Variants in BMP1 observed in about 807,000 individuals in gnomAD.
BMP1 encodes the protein bone morphogenetic protein 1.
A neutral mutation model predicts 116.8 loss-of-function variants in BMP1; 63 were observed. The ratio of observed to expected loss-of-function variants is 0.54; its 90% CI spans 0.44 to 0.67. The LOEUF (loss-of-function observed/expected upper bound fraction) is 0.67. Ranked by LOEUF, BMP1 falls within the 30% of genes least tolerant of loss-of-function variation. The pLI, the probability that BMP1 is intolerant of heterozygous loss-of-function variation, is 0.00. For synonymous variants in BMP1, 536 were observed against 533.4 expected, an observed-to-expected ratio of 1.00 and a Z score of -0.07; for missense variants, 1,183 against 1,358.9, an observed-to-expected ratio of 0.87 and a Z score of 2.04.
rs3924229 is a variant in BMP1 at position 22,192,379 on chromosome 8, A to G, written c.1180+228A>G. ...CTGGACTTCAGAGTACCCAGTCCAG[A>G]CTTCTGGGCCTCCCTGTGAAGTTGG... On this transcript the variant is annotated intron_variant, in intron 9 of 19. Coordinates refer to ENST00000306385, the MANE Select transcript of BMP1 (RefSeq NM_006129.5). The G allele has an allele frequency of 0.13, 60,013 of 452,978 alleles. 4,553 individuals are homozygous for G. The highest frequency in any genetic ancestry group is 0.25 in the African/African-American group (12,301 of 50,144). 28.1% of individuals were successfully genotyped at this position (452,978 alleles called of 1,614,324 possible).
chr8:22,190,915 C>T (rs1036781790), intron 8 of BMP1, among the ~76,000 whole-genome samples: 1 of 152,188 alleles, frequency 6.6e-6, no homozygotes. Flanking sequence ...CCTCGCAGGT[C>T]ACGGTGAACA....
rs763402562 is a variant in BMP1, at chr8:22,194,090, A to T, written c.1213A>T (p.Ile405Phe). ...RFCGSKLPEP[I>F]VSTDSRLWVE... is the part of the protein sequence containing the mutation. ...CTGCGGGTCCAAACTCCCTGAGCCT[A>T]TCGTCTCCACTGACAGCCGCCTCTG... Residue 405 changes from isoleucine to phenylalanine, a missense_variant, in exon 10 of 20, where the codon ATC becomes TTC. Physicochemically the swap from Ile to Phe is conservative, Grantham distance 21. Transcript: ENST00000306385. This position sits in a 1 kb window ranked among gnomAD's most constrained non-coding sequence, Gnocchi z 4.5. 5.6e-6 allele frequency: 9 copies of T among 1,614,202 alleles called. No homozygotes were observed. In the East Asian group the frequency reaches 2.0e-4, roughly 36 times the overall value.
Position 22,211,782 on chromosome 8 carries a change from CT to C in BMP1, c.*55del. 2 of 1,612,842 alleles carry C rather than the reference CT, an allele frequency of 1.2e-6. No homozygotes were observed. Among genetic ancestry groups the C allele is most frequent in the Non-Finnish European group, 1.7e-6 (2 of 1,179,606 alleles). ...AGCCTGCTGCCCTTGGTCGCCTAGA[CT>C]GGATAGTGGGGGTGGGCGGAAGGCA... On this transcript the variant is annotated 3_prime_UTR_variant, in exon 20 of 20. Coordinates refer to ENST00000306385, the MANE Select transcript of BMP1 (RefSeq NM_006129.5).
chr8:22,199,792 C>T (rs571240805), intron 15 of BMP1, among the ~76,000 whole-genome samples: 2 of 152,154 alleles, frequency 1.3e-5, no homozygotes, highest in Admixed American at 6.5e-5. Context: ...TCAAAGGCAG[C>T]TCATGGAGGG....
chr8:22,204,897 G>A (rs997159570), intron 16 of BMP1, among the ~76,000 whole-genome samples: 6 of 152,188 alleles, frequency 3.9e-5, no homozygotes, highest in African/African-American at 1.2e-4. Flanking sequence ...AGCTGGAGGG[G>A]CCTGGGAGAG....
chr8:22,195,739 T>C, intron 13 of BMP1, 152 bp downstream of exon 13: 1 of 1,153,706 alleles, frequency 8.7e-7, no homozygotes, highest in South Asian at 1.6e-5. Context: ...CTCCCATTCC[T>C]GGGCTCAAGC....
chr8:22,202,301 C>T (rs1304192035), intron 16 of BMP1, among the ~76,000 whole-genome samples: 2 of 152,342 alleles, frequency 1.3e-5, no homozygotes, highest in Admixed American at 6.5e-5. Flanking sequence ...CCAGCCCTGC[C>T]GCTTCACTAG....
chr8:22,208,131 G>A lies in BMP1; in HGVS notation c.2575+615G>A, dbSNP rs191010006. Among the ~76,000 whole-genome samples the A allele has an allele frequency of 2.7e-3, 415 of 152,282 alleles. 4 individuals are homozygous for A. The highest frequency in any genetic ancestry group is 4.1e-3 in the Non-Finnish European group (280 of 68,022). Reference sequence around the variant, plus strand: ...ACTCCTGACCTCAGGTGATCCGCCCGCCTTGGCCTCCCAAAGTGCTGAGAT... The same window carrying A: ...ACTCCTGACCTCAGGTGATCCGCCCACCTTGGCCTCCCAAAGTGCTGAGAT... On this transcript the variant is annotated intron_variant, in intron 18 of 19. Transcript: ENST00000306385.
intron 8 of BMP1, among the ~76,000 whole-genome samples, chr8:22,189,713 T>A (rs1828877101): frequency 6.6e-6 from 1 of 152,018 alleles, no homozygotes; most frequent in Admixed American, 6.6e-5. Flanking sequence ...GCGATCCTCT[T>A]GCCTCAGCCT....
At chr8:22,168,641 G>A (rs989212440) in intron 1 of BMP1, among the ~76,000 whole-genome samples, 11 of 152,122 alleles carry the variant, frequency 7.2e-5, no homozygotes, top group African/African-American at 2.7e-4. Flanking sequence ...CCAAGGTTTG[G>A]ACATCAGAGA....
At chr8:22,181,501 A>T (rs185708412) in intron 8 of BMP1, among the ~76,000 whole-genome samples, 3 of 151,222 alleles carry the variant, frequency 2.0e-5, no homozygotes, top group Admixed American at 2.0e-4. Flanking sequence ...ACCTAAGGTG[A>T]TGAGAGGCTC....
chr8:22,197,499 T>C (rs1829128039), intron 15 of BMP1, 79 bp downstream of exon 15: 1 of 1,489,542 alleles, frequency 6.7e-7, no homozygotes, highest in Non-Finnish European at 9.1e-7. Flanking sequence ...CCTGCACCCC[T>C]GTACTCCCCA....
At chr8:22,175,261 C>G (rs1828399488) in intron 2 of BMP1, among the ~76,000 whole-genome samples, 1 of 152,164 alleles carries the variant, frequency 6.6e-6, no homozygotes, top group African/African-American at 2.4e-5. Flanking sequence ...GCTCCTATGT[C>G]AAATGCAAAC....
rs1277358654 is a variant in BMP1, at chr8:22,179,388, C to T, written c.837-317C>T. Among the ~76,000 whole-genome samples, 1 of 152,168 alleles carries T rather than the reference C, an allele frequency of 6.6e-6. No homozygotes were observed. The highest frequency in any genetic ancestry group is 1.5e-5 in the Non-Finnish European group (1 of 68,028). On this transcript the variant is annotated intron_variant, in intron 6 of 19. Transcript: ENST00000306385. This position sits in a 1 kb window ranked among gnomAD's most constrained non-coding sequence, Gnocchi z 4.6. Reference sequence around the variant, plus strand: ...TGACCCGCTAGGGGCCTGTAGCTTTCCTGGGGCTGGGAGTTGTGGCCAGCC... The same window carrying T: ...TGACCCGCTAGGGGCCTGTAGCTTTTCTGGGGCTGGGAGTTGTGGCCAGCC...
intron 18 of BMP1, among the ~76,000 whole-genome samples, chr8:22,208,798 C>T (rs1182433699): frequency 6.6e-6 from 1 of 152,222 alleles, no homozygotes; most frequent in Non-Finnish European, 1.5e-5. Flanking sequence ...ACAGCCTCCC[C>T]TCTTCCCCTT....
chr8:22,210,654 C>G (rs1055707642), intron 19 of BMP1, among the ~76,000 whole-genome samples: 1 of 152,218 alleles, frequency 6.6e-6, no homozygotes, highest in African/African-American at 2.4e-5. Context: ...TGAACCTCCC[C>G]CAGGAGCAGA....
chr8:22,176,813 C>T, intron 4 of BMP1, 148 bp from the exon 5 acceptor site: 1 of 977,428 alleles, frequency 1.0e-6, no homozygotes, highest in Non-Finnish European at 1.5e-6. Context: ...GCTGTGACCT[C>T]CAGCACACAG....
intron 15 of BMP1, among the ~76,000 whole-genome samples, chr8:22,198,052 G>C (rs987524288): frequency 6.6e-6 from 1 of 152,178 alleles, no homozygotes; most frequent in South Asian, 2.1e-4. Flanking sequence ...GGGTGTAGTC[G>C]TGTGTGCCTG....
chr8:22,196,023 A>G (rs1012687342), intron 13 of BMP1, among the ~76,000 whole-genome samples: 3 of 152,044 alleles, frequency 2.0e-5, no homozygotes, highest in Non-Finnish European at 2.9e-5. Context: ...GCTCATGGAT[A>G]AGAAACACAT....
Sources: gnomAD v4.1 joint callset for allele counts (sites outside exome capture counted in the v4.1 genomes callset) on GRCh38, gnomAD v4.1.1 for gene constraint, Gnocchi (gnomAD v3.1) non-coding constraint, MANE v1.5 for transcripts, NCBI Gene and HGNC (gene_info 2026-07-23, HGNC 2026-07-21) for gene names.